Variants in PITPNM3 observed in about 807,000 individuals in gnomAD.
The protein encoded by PITPNM3 is membrane-associated phosphatidylinositol transfer protein 3.
In PITPNM3, 26 loss-of-function variants were observed where a neutral mutation model predicts 102.0. The ratio of observed to expected loss-of-function variants is 0.25; its 90% CI spans 0.19 to 0.35. The LOEUF (loss-of-function observed/expected upper bound fraction) is 0.35, where lower values mean the gene tolerates loss of function less well. PITPNM3 is among the 10% of genes least tolerant of loss of function. The probability of loss-of-function intolerance (pLI) is 1.00; values close to 1 mark genes in which losing one functional copy is unlikely to be tolerated. For synonymous variants in PITPNM3, 578 were observed against 558.6 expected (o/e 1.03, Z -0.49); for missense variants, 1,083 against 1,346.1 (o/e 0.80, Z 3.06).
intron 1 of PITPNM3, among the ~76,000 whole-genome samples, chr17:6,543,327 C>A (rs549987473): frequency 4.6e-5 from 7 of 152,320 alleles, no homozygotes; most frequent in Non-Finnish European, 8.8e-5. Flanking sequence ...ATCTTTCCCA[C>A]TCAGGGACAT....
intron 4 of PITPNM3, among the ~76,000 whole-genome samples, chr17:6,492,435 TGAAA>T (rs1025123253): frequency 3.3e-5 from 5 of 152,152 alleles, no homozygotes; most frequent in African/African-American, 4.8e-5. Context: ...GAAAAAAGTG[TGAAA>T]TGTTGTCCTC....
chr17:6,462,882 T>C (rs971867320), intron 17 of PITPNM3, among the ~76,000 whole-genome samples: 3 of 150,140 alleles, frequency 2.0e-5, no homozygotes, highest in African/African-American at 7.6e-5. Context: ...GGGAGCACCA[T>C]GTGGAGCACC....
At chr17:6,535,494 G>C (rs1449880671) in intron 2 of PITPNM3, among the ~76,000 whole-genome samples, 1 of 152,190 alleles carries the variant, frequency 6.6e-6, no homozygotes, top group Admixed American at 6.5e-5. Context: ...TGTGGCTTAG[G>C]AATGCAGATG....
chr17:6,483,377 T>C (rs2150737182), intron 6 of PITPNM3, 140 bp downstream of exon 6: 1 of 843,596 alleles, frequency 1.2e-6, no homozygotes, highest in East Asian at 2.7e-5. Flanking sequence ...CCAGGGATGC[T>C]TGTGTTTCGT....
intron 4 of PITPNM3, among the ~76,000 whole-genome samples, chr17:6,490,906 G>C (rs1237701786): frequency 1.4e-5 from 2 of 144,450 alleles, no homozygotes; most frequent in Admixed American, 7.0e-5. Flanking sequence ...GGGTTGCAGT[G>C]AGCCGAGATG....
At chr17:6,535,603 G>A (rs2150661242) in intron 2 of PITPNM3, among the ~76,000 whole-genome samples, 1 of 151,968 alleles carries the variant, frequency 6.6e-6, no homozygotes, top group Middle Eastern at 3.4e-3. Context: ...GAGAGTCTGG[G>A]ATCCCGAAAA....
chr17:6,456,782 C>G (rs2137796), intron 19 of PITPNM3, among the ~76,000 whole-genome samples: 2 of 151,946 alleles, frequency 1.3e-5, no homozygotes, highest in East Asian at 3.9e-4. Flanking sequence ...AATAGTGGCA[C>G]CTCCTACGTG....
In PITPNM3 at chr17:6,556,042, C is replaced by T. The variant is rs547941255; in HGVS notation, c.22+343G>A. Among the ~76,000 whole-genome samples the T allele has an allele frequency of 6.6e-6, 1 of 152,140 alleles. No homozygotes were observed. The highest frequency in any genetic ancestry group is 2.4e-5 in the African/African-American group (1 of 41,442). On this transcript the variant is annotated intron_variant, in intron 1 of 19. Coordinates refer to ENST00000262483, the MANE Select transcript of PITPNM3 (RefSeq NM_031220.4). This position sits in a 1 kb window ranked among gnomAD's most constrained non-coding sequence, Gnocchi z 5.2. Reference sequence around the variant, plus strand: ...GGACGAAGCGGCGGCCGCGGGACATCCCCTTCGGTGGCGAAGCCCGGGTCT... The same window carrying T: ...GGACGAAGCGGCGGCCGCGGGACATTCCCTTCGGTGGCGAAGCCCGGGTCT...
chr17:6,465,140 G>A (rs569394832), intron 14 of PITPNM3, among the ~76,000 whole-genome samples: 18 of 152,256 alleles, frequency 1.2e-4, no homozygotes, highest in South Asian at 2.1e-4. Flanking sequence ...GCAACCTCCC[G>A]GGTTCAAGCA....
chr17:6,547,189 C>A (rs958846463), intron 1 of PITPNM3, among the ~76,000 whole-genome samples: 6 of 150,794 alleles, frequency 4.0e-5, no homozygotes, highest in African/African-American at 1.5e-4. Flanking sequence ...CCTGTCATGC[C>A]GCCTGTTTCT....
intron 1 of PITPNM3, among the ~76,000 whole-genome samples, chr17:6,544,335 G>A (rs1015673453): frequency 3.3e-5 from 5 of 152,268 alleles, no homozygotes; most frequent in Admixed American, 6.5e-5. Context: ...GACCAGCCAC[G>A]TCAACAAAGT....
chr17:6,547,795 C>G (rs1230072950), intron 1 of PITPNM3, among the ~76,000 whole-genome samples: 5 of 151,674 alleles, frequency 3.3e-5, no homozygotes, highest in Non-Finnish European at 7.4e-5. Flanking sequence ...GAGTGCAATG[C>G]CACGATCTCG....
At position 6,452,682 on chromosome 17, in the gene PITPNM3, C is replaced by T. The variant is rs1237166227; in HGVS notation, c.*2656G>A. 1 of 152,260 alleles carries T rather than the reference C, an allele frequency of 6.6e-6. No homozygotes were observed. Among genetic ancestry groups the T allele is most frequent in the East Asian group, 1.9e-4 (1 of 5,198 alleles). The allele number at this position is 152,260 out of a possible 1,614,324, so 9.4% of individuals were successfully genotyped here. ...TACCTTGTCTCGCCACTAAACAGAA[C>T]CGCAGGTACACACTCACACACGCCA... On this transcript the variant is annotated 3_prime_UTR_variant, in exon 20 of 20. Coordinates refer to ENST00000262483, the MANE Select transcript of PITPNM3 (RefSeq NM_031220.4).
At chr17:6,486,283 G>A (rs1031726671) in intron 4 of PITPNM3, among the ~76,000 whole-genome samples, 2 of 152,070 alleles carry the variant, frequency 1.3e-5, no homozygotes, top group African/African-American at 2.4e-5. Context: ...TCTTAAAGTC[G>A]TAGGTTCTAG....
intron 1 of PITPNM3, among the ~76,000 whole-genome samples, chr17:6,541,360 C>A (rs1297407511): frequency 6.6e-6 from 1 of 150,522 alleles, no homozygotes; most frequent in Admixed American, 6.6e-5. Context: ...ATGGACCGGG[C>A]AAAATCCATG....
At position 6,454,144 on chromosome 17, in the gene PITPNM3, G is replaced by C. The variant is rs1260308142; in HGVS notation, c.*1194C>G. The stretch of plus-strand genomic sequence containing the variant: ...CCTGGAATCTCAGCTCTATGCCTCT[G>C]GGAGCCAAAAAGGATAAAAGGGTCC... On this transcript the variant is annotated 3_prime_UTR_variant, in exon 20 of 20. Transcript: ENST00000262483. The C allele has an allele frequency of 6.6e-6, 1 of 152,272 alleles. No homozygotes were observed. The highest frequency in any genetic ancestry group is 1.5e-5 in the Non-Finnish European group (1 of 68,062). 9.4% of individuals were successfully genotyped at this position (152,272 alleles called of 1,614,324 possible).
At chr17:6,474,860 T>G (rs1905233532) in intron 9 of PITPNM3, among the ~76,000 whole-genome samples, 1 of 152,232 alleles carries the variant, frequency 6.6e-6, no homozygotes. Context: ...TCAGACGACA[T>G]GGACCGTGTG....
At chr17:6,540,464 A>G (rs1909671326) in intron 1 of PITPNM3, among the ~76,000 whole-genome samples, 1 of 152,152 alleles carries the variant, frequency 6.6e-6, no homozygotes, top group South Asian at 2.1e-4. Context: ...TGGGGAGAAA[A>G]TGGTTGGGGA....
At chr17:6,531,784 C>T (rs1728605791) in intron 2 of PITPNM3, among the ~76,000 whole-genome samples, 1 of 152,196 alleles carries the variant, frequency 6.6e-6, no homozygotes, top group African/African-American at 2.4e-5. Context: ...CTCACTCTGG[C>T]CACACCAGCC....
Sources: allele counts gnomAD v4.1 joint callset (sites outside exome capture counted in the v4.1 genomes callset), GRCh38; gene constraint gnomAD v4.1.1; non-coding constraint Gnocchi (gnomAD v3.1); transcripts MANE v1.5; gene names NCBI Gene and HGNC (gene_info 2026-07-23, HGNC 2026-07-21).